The following FKTN variants were observed in gnomAD, a reference collection of about 807,000 sequenced individuals.
FKTN encodes ribitol-5-phosphate transferase FKTN.
Under a neutral mutation model 58.6 loss-of-function variants are expected in FKTN, and 47 were observed. That is an observed-to-expected ratio of 0.80 (90% CI 0.63 to 1.02). The LOEUF is 1.02. Ranked by LOEUF, FKTN falls within the 50% of genes least tolerant of loss-of-function variation. The pLI is 0.00. For missense variants in FKTN, 516 were observed against 537.3 expected (o/e 0.96, Z 0.39); for synonymous variants, 178 against 191.9 (o/e 0.93, Z 0.60).
intron 8 of FKTN, among the ~76,000 whole-genome samples, chr9:105,616,840 A>G (rs1403833892): frequency 1.3e-5 from 2 of 151,558 alleles, no homozygotes; most frequent in Non-Finnish European, 2.9e-5. Flanking sequence ...GAAAATTTAC[A>G]TGGTTCTTCC....
chr9:105,613,299 C>T (rs1010297810), intron 7 of FKTN, among the ~76,000 whole-genome samples: 1 of 152,160 alleles, frequency 6.6e-6, no homozygotes, highest in South Asian at 2.1e-4. Context: ...TCTCTCATTC[C>T]AGTCATTTAT....
At chr9:105,617,440 T>G (rs772925452) in intron 8 of FKTN, among the ~76,000 whole-genome samples, 36 of 152,230 alleles carry the variant, frequency 2.4e-4, no homozygotes, top group Admixed American at 9.2e-4. Flanking sequence ...TACAAATTAT[T>G]GCTCAAGAAA....
chr9:105,579,557 A>T (rs1181670344), intron 3 of FKTN, among the ~76,000 whole-genome samples: 3 of 151,358 alleles, frequency 2.0e-5, no homozygotes, highest in Non-Finnish European at 4.4e-5. Context: ...GTGTTCTTTT[A>T]CATTTGCTGA....
chr9:105,595,952 T>C (rs1826722725), intron 3 of FKTN, among the ~76,000 whole-genome samples: 1 of 152,220 alleles, frequency 6.6e-6, no homozygotes, highest in Non-Finnish European at 1.5e-5. Context: ...CCTCTTACTC[T>C]AAAGTATTTT....
chr9:105,565,774 G>A (rs1333906983), intron 1 of FKTN, among the ~76,000 whole-genome samples: 1 of 152,104 alleles, frequency 6.6e-6, no homozygotes, highest in African/African-American at 2.4e-5. Context: ...TCCAGGAATT[G>A]AACTCAACTC....
rs1414561653 is a variant in FKTN, at chr9:105,574,984, A to C, written c.-49A>C. The C allele has an allele frequency of 1.0e-6, 1 of 1,003,890 alleles. No homozygotes were observed. 62.2% of individuals were successfully genotyped at this position (1,003,890 alleles called of 1,614,324 possible). A position where few individuals can be genotyped will look rare whatever the true frequency, so the allele number is the denominator to read the frequency against. On this transcript the variant is annotated 5_prime_UTR_variant, in exon 3 of 11. Transcript: ENST00000357998. Reference sequence around the variant, plus strand: ...TTCCTTTCCAAATCCAAAAAGATGAAAACGACTGAGATACTTTCAAAAGAC... The same window carrying C: ...TTCCTTTCCAAATCCAAAAAGATGACAACGACTGAGATACTTTCAAAAGAC...
intron 10 of FKTN, among the ~76,000 whole-genome samples, chr9:105,624,104 T>C (rs1832416056): frequency 6.6e-6 from 1 of 152,172 alleles, no homozygotes; most frequent in Admixed American, 6.5e-5. Context: ...TTTTGATACA[T>C]ATTGCCAGGT....
intron 10 of FKTN, among the ~76,000 whole-genome samples, chr9:105,626,698 C>T (rs10816285): frequency 0.13 from 19,262 of 152,142 alleles, 1,592 homozygotes; most frequent in East Asian, 0.45. Flanking sequence ...AAGTTATATT[C>T]CAGTATGTTA....
At position 105,639,198 on chromosome 9, in the gene FKTN, G is replaced by A. The variant is rs1165956504; in HGVS notation, c.*3934G>A. 4.1e-6 allele frequency: 4 copies of A among 985,000 alleles called. No individual in the cohort carries two copies. The highest frequency in any genetic ancestry group is 4.8e-6 in the Non-Finnish European group (4 of 829,750). 61.0% of individuals were successfully genotyped at this position (985,000 alleles called of 1,614,324 possible). ...AATGCATGGAAAAACTTCAGTTACT[G>A]ACCAGTCAAGAGAATTTCTCAAGAA... On this transcript the variant is annotated 3_prime_UTR_variant, in exon 11 of 11. Coordinates refer to ENST00000357998, the MANE Select transcript of FKTN (RefSeq NM_001079802.2).
At chr9:105,565,038 C>T (rs1839153909) in intron 1 of FKTN, among the ~76,000 whole-genome samples, 1 of 152,148 alleles carries the variant, frequency 6.6e-6, no homozygotes, top group Non-Finnish European at 1.5e-5. Flanking sequence ...ATTTCATATC[C>T]AGCCAAACTA....
rs188567234 is a variant in FKTN, at chr9:105,559,541, G to A, written c.-181+1376G>A. Among the ~76,000 whole-genome samples the A allele has an allele frequency of 8.4e-3, 1,271 of 152,120 alleles. 20 individuals carry two copies. Among genetic ancestry groups the A allele is most frequent in the African/African-American group, 0.029 (1,214 of 41,490 alleles). ...CTACTAAAAATACAACAAATTAGCC[G>A]GGTGTGGTGGCGGGCGCCTGTAATC... On this transcript the variant is annotated intron_variant, in intron 1 of 10. Coordinates refer to ENST00000357998, the MANE Select transcript of FKTN (RefSeq NM_001079802.2).
At chr9:105,582,015 C>CGAA (rs1221500594) in intron 3 of FKTN, among the ~76,000 whole-genome samples, 1 of 152,176 alleles carries the variant, frequency 6.6e-6, no homozygotes, top group African/African-American at 2.4e-5. Context: ...ATGCCTCGCC[C>CGAA]TGCTTCGGCT....
Position 105,638,860 on chromosome 9 carries a change from G to A in FKTN, c.*3596G>A, listed in dbSNP as rs1235119414. On this transcript the variant is annotated 3_prime_UTR_variant, in exon 11 of 11. Coordinates refer to ENST00000357998, the MANE Select transcript of FKTN (RefSeq NM_001079802.2). The stretch of plus-strand genomic sequence containing the variant: ...CAAACCATTGTTTTTATTCTTACAC[G>A]ACTACAGTACTTCAAATGGCACATA... The A allele has an allele frequency of 1.0e-5, 10 of 984,386 alleles. No homozygotes were observed. Among genetic ancestry groups the A allele is most frequent in the Admixed American group, 1.2e-4 (2 of 16,224 alleles). 61.0% of individuals were successfully genotyped at this position (984,386 alleles called of 1,614,324 possible).
At chr9:105,568,336 A>G (rs1243440496) in intron 1 of FKTN, among the ~76,000 whole-genome samples, 5 of 152,242 alleles carry the variant, frequency 3.3e-5, no homozygotes, top group Admixed American at 3.3e-4. Context: ...AAAAGAAACT[A>G]CCATCAGAGT....
chr9:105,626,749 A>G (rs1486315501), intron 10 of FKTN, among the ~76,000 whole-genome samples: 4 of 152,160 alleles, frequency 2.6e-5, no homozygotes, highest in Non-Finnish European at 4.4e-5. Flanking sequence ...AACGCTTGGC[A>G]TTGTCAGACT....
chr9:105,614,068 G>A (rs1830393162), intron 7 of FKTN, among the ~76,000 whole-genome samples: 1 of 152,124 alleles, frequency 6.6e-6, no homozygotes, highest in African/African-American at 2.4e-5. Context: ...GAAGTGTGAG[G>A]AGATGCAGAT....
chr9:105,568,074 A>C (rs1177899790), intron 1 of FKTN, among the ~76,000 whole-genome samples: 1 of 152,204 alleles, frequency 6.6e-6, no homozygotes, highest in Admixed American at 6.5e-5. Context: ...GGTGCTGGGA[A>C]AACTGGCTAG....
At chr9:105,590,266 A>G (rs1844634796) in intron 3 of FKTN, among the ~76,000 whole-genome samples, 1 of 152,012 alleles carries the variant, frequency 6.6e-6, no homozygotes, top group Non-Finnish European at 1.5e-5. Flanking sequence ...AGATCTGATG[A>G]TTTCTCCTTT....
In FKTN at chr9:105,636,513, C is replaced by T. The variant is rs79589823; in HGVS notation, c.*1249C>T. ...CTTCTACTTTACCAAGTACCACACA[C>T]TCTGGAATGCTTTAGTTTCCTTTTC... On this transcript the variant is annotated 3_prime_UTR_variant, in exon 11 of 11. Transcript: ENST00000357998. The T allele has an allele frequency of 1.9e-4, 203 of 1,041,400 alleles. No individual in the cohort carries two copies. The East Asian group carries it at 0.012, about 60-fold the overall frequency. The allele number at this position is 1,041,400 out of a possible 1,614,324, so 64.5% of individuals were successfully genotyped here.
Sources: gnomAD v4.1 joint callset for allele counts (sites outside exome capture counted in the v4.1 genomes callset) on GRCh38, gnomAD v4.1.1 for gene constraint, MANE v1.5 for transcripts, NCBI Gene and HGNC (gene_info 2026-07-23, HGNC 2026-07-21) for gene names.